Variants in TMEM117 observed in about 807,000 individuals in gnomAD.
TMEM117 encodes transmembrane protein 117.
TMEM117 carries 27 observed loss-of-function variants against 52.4 expected under a neutral mutation model. That is an observed-to-expected ratio of 0.51 (90% CI 0.38 to 0.71). The LOEUF is 0.71. Among genes scored for constraint, TMEM117 ranks in the 30% least tolerant of loss-of-function variants. TMEM117 has a pLI of 0.00. For synonymous variants in TMEM117, 215 were observed against 206.3 expected, an observed-to-expected ratio of 1.04 and a Z score of -0.36; for missense variants, 556 against 630.5, an observed-to-expected ratio of 0.88 and a Z score of 1.26.
intron 2 of TMEM117, among the ~76,000 whole-genome samples, chr12:43,880,163 T>G (rs1274452920): frequency 6.6e-6 from 1 of 152,198 alleles, no homozygotes; most frequent in East Asian, 1.9e-4. Context: ...TCCTCAATTC[T>G]ACGAATTTAT....
At chr12:43,959,599 AG>A (rs1945369320) in intron 3 of TMEM117, among the ~76,000 whole-genome samples, 1 of 152,168 alleles carries the variant, frequency 6.6e-6, no homozygotes, top group African/African-American at 2.4e-5. Flanking sequence ...TTTACTGATA[AG>A]AACAGTGATT....
chr12:44,291,720 A>G (rs1950708147), intron 5 of TMEM117, among the ~76,000 whole-genome samples: 1 of 151,994 alleles, frequency 6.6e-6, no homozygotes, highest in African/African-American at 2.4e-5. Context: ...GCTGAATTTT[A>G]TCAAATGCTT....
chr12:44,143,532 A>G lies in TMEM117; in HGVS notation c.418A>G (p.Ile140Val), dbSNP rs1948598599. The change falls in exon 4 of 8, where the codon ATC becomes GTC. Residue 140 changes from isoleucine to valine, a missense_variant. Ile to Val is a conservative substitution (Grantham distance 29, BLOSUM62 3). Around this residue, in one of 3 missense-constraint regions of TMEM117, gnomAD observed 328 missense variants for 371.4 expected, o/e 0.88. Coordinates refer to ENST00000266534, the MANE Select transcript of TMEM117 (RefSeq NM_032256.3). ...GTGTGTTTGTTTCCACAGAGCATAT[A>G]TCATTACAGACTATATGGGCATCCG... ...LLMDGNMGAY[I>V]ITDYMGIRNE... 4 of 1,612,574 alleles carry G rather than the reference A, an allele frequency of 2.5e-6. No individual in the cohort carries two copies. Among genetic ancestry groups the G allele is most frequent in the South Asian group, 1.1e-5 (1 of 90,982 alleles).
chr12:44,216,360 C>G (rs779018249), intron 5 of TMEM117, among the ~76,000 whole-genome samples: 6 of 152,028 alleles, frequency 3.9e-5, no homozygotes, highest in Non-Finnish European at 7.4e-5. Flanking sequence ...AGCTGGAGCC[C>G]TTGTCATTTG....
chr12:44,376,435 T>A (rs1951941987), intron 6 of TMEM117, 160 bp from the exon 7 acceptor site: 1 of 822,986 alleles, frequency 1.2e-6, no homozygotes, highest in Non-Finnish European at 2.0e-6. Context: ...TGCTACCTAA[T>A]GTACATAAAA....
In TMEM117 at chr12:44,045,792, G is replaced by A. The variant is rs557774113; in HGVS notation, c.411-97733G>A. On this transcript the variant is annotated intron_variant, in intron 3 of 7. Coordinates refer to ENST00000266534, the MANE Select transcript of TMEM117 (RefSeq NM_032256.3). ...TGAGAGGCGGAAATTGCAGTGAGCC[G>A]AGATCGTGCCTCTGCACTCCAGCCT... Among the ~76,000 whole-genome samples, 79 of 152,234 alleles carry A rather than the reference G, an allele frequency of 5.2e-4. 1 individual carries two copies. Among genetic ancestry groups the A allele is most frequent in the Non-Finnish European group, 1.0e-3 (70 of 68,014 alleles).
the TMEM117 span, among the ~76,000 whole-genome samples, chr12:44,397,816 A>G: frequency 3.3e-5 from 5 of 152,166 alleles, no homozygotes; most frequent in East Asian, 1.9e-4. Context: ...AAGCAAATCA[A>G]TTGTGTGAGG....
intron 6 of TMEM117, among the ~76,000 whole-genome samples, chr12:44,370,761 G>A (rs113392024): frequency 0.014 from 2,120 of 152,054 alleles, 34 homozygotes; most frequent in South Asian, 0.092. Context: ...CAAGTGATCC[G>A]CCCGCCTTGG....
At chr12:43,966,497 T>C (rs572883727) in intron 3 of TMEM117, among the ~76,000 whole-genome samples, 5 of 152,286 alleles carry the variant, frequency 3.3e-5, no homozygotes, top group African/African-American at 9.6e-5. Context: ...ATAGTCACCA[T>C]ACCTAAAGCT....
intron 2 of TMEM117, among the ~76,000 whole-genome samples, chr12:43,870,562 T>C (rs529085193): frequency 1.3e-5 from 2 of 151,914 alleles, no homozygotes; most frequent in Non-Finnish European, 2.9e-5. Context: ...CCCGGCCATG[T>C]GCATGTGTCT....
chr12:43,983,821 C>T (rs898714799), intron 3 of TMEM117, among the ~76,000 whole-genome samples: 1 of 151,750 alleles, frequency 6.6e-6, no homozygotes, highest in Non-Finnish European at 1.5e-5. Context: ...TAGCACTTTA[C>T]ACTCCAGTCT....
At chr12:44,369,282 G>A (rs900477591) in intron 6 of TMEM117, among the ~76,000 whole-genome samples, 1 of 152,128 alleles carries the variant, frequency 6.6e-6, no homozygotes, top group Non-Finnish European at 1.5e-5. Flanking sequence ...TTTCTACCTT[G>A]ACACTTAAAG....
At chr12:43,862,156 A>G (rs549802474) in intron 2 of TMEM117, among the ~76,000 whole-genome samples, 3 of 152,242 alleles carry the variant, frequency 2.0e-5, no homozygotes, top group Admixed American at 1.3e-4. Flanking sequence ...GACATATAGT[A>G]TGAGAAGGAA....
intron 3 of TMEM117, among the ~76,000 whole-genome samples, chr12:43,980,265 G>T (rs1945739311): frequency 6.6e-6 from 1 of 152,154 alleles, no homozygotes; most frequent in Non-Finnish European, 1.5e-5. Flanking sequence ...AGGCTCTTCT[G>T]TGTGGAGTGG....
intron 6 of TMEM117, among the ~76,000 whole-genome samples, chr12:44,328,943 C>T (rs1185026133): frequency 6.6e-6 from 1 of 151,758 alleles, no homozygotes; most frequent in Non-Finnish European, 1.5e-5. Context: ...TAGCTCAAGA[C>T]AAATTATACT....
chr12:44,047,191 A>G (rs1270096141), intron 3 of TMEM117, among the ~76,000 whole-genome samples: 1 of 152,178 alleles, frequency 6.6e-6, no homozygotes, highest in Non-Finnish European at 1.5e-5. Context: ...TAATATAGTT[A>G]TATTAGATAT....
chr12:43,988,407 T>A (rs936453280), intron 3 of TMEM117, among the ~76,000 whole-genome samples: 9 of 152,258 alleles, frequency 5.9e-5, no homozygotes, highest in African/African-American at 2.2e-4. Flanking sequence ...ATTTTTCATA[T>A]TTTAATGACC....
At chr12:44,290,048 C>T (rs1259691024) in intron 5 of TMEM117, among the ~76,000 whole-genome samples, 1 of 152,102 alleles carries the variant, frequency 6.6e-6, no homozygotes, top group Non-Finnish European at 1.5e-5. Context: ...CATTTTCTAA[C>T]CAGGTTATTT....
At chr12:44,188,837 T>C (rs896476061) in intron 4 of TMEM117, among the ~76,000 whole-genome samples, 4 of 152,188 alleles carry the variant, frequency 2.6e-5, no homozygotes, top group Non-Finnish European at 4.4e-5. Context: ...AAGTATTTTC[T>C]TCCCACTAGA....
Sources: gnomAD v4.1 joint callset for allele counts (sites outside exome capture counted in the v4.1 genomes callset) on GRCh38, gnomAD v4.1.1 for gene constraint, gnomAD v4.1.1 regional missense constraint, MANE v1.5 for transcripts, NCBI Gene and HGNC (gene_info 2026-07-23, HGNC 2026-07-21) for gene names.